Variants in SENP5 observed in about 807,000 individuals in gnomAD.
SENP5 encodes the protein sentrin-specific protease 5.
Under a neutral mutation model 74.2 loss-of-function variants are expected in SENP5, and 21 were observed. The observed-to-expected ratio is 0.28, with a 90% CI of 0.20 to 0.41. The LOEUF (loss-of-function observed/expected upper bound fraction) is 0.41, where lower values mean the gene tolerates loss of function less well. Among genes scored for constraint, SENP5 ranks in the 10% least tolerant of loss-of-function variants. SENP5 has a pLI of 1.00. For synonymous variants in SENP5, 311 were observed against 312.7 expected (o/e 0.99, Z 0.06); for missense variants, 717 against 889.1 (o/e 0.81, Z 2.46).
At chr3:196,918,860 C>A (rs898547238) in intron 6 of SENP5, among the ~76,000 whole-genome samples, 1 of 151,888 alleles carries the variant, frequency 6.6e-6, no homozygotes, top group African/African-American at 2.4e-5. Context: ...AAAAAGAGAG[C>A]AGAGTAGCTA....
At chr3:196,870,011 G>A (rs1166439796) in intron 1 of SENP5, among the ~76,000 whole-genome samples, 1 of 152,114 alleles carries the variant, frequency 6.6e-6, no homozygotes, top group African/African-American at 2.4e-5. Flanking sequence ...CATTTACTTT[G>A]TGTTATTAGC....
Position 196,934,387 on chromosome 3 carries a change from G to A in SENP5, c.*3464G>A, listed in dbSNP as rs1401811315. The A allele has an allele frequency of 2.0e-5, 3 of 152,192 alleles. No homozygotes were observed. The highest frequency in any genetic ancestry group is 1.9e-4 in the East Asian group (1 of 5,198). 9.4% of individuals were successfully genotyped at this position (152,192 alleles called of 1,614,324 possible). ...AGGTCAGACTCTTCAGCAAGACAGT[G>A]TATTAATAGTGTGAATTAGATACAC... is the stretch of plus-strand genomic sequence containing the variant. On this transcript the variant is annotated 3_prime_UTR_variant, in exon 10 of 10. Transcript: ENST00000323460.
At chr3:196,904,614 C>T (rs1290999094) in intron 6 of SENP5, among the ~76,000 whole-genome samples, 1 of 151,736 alleles carries the variant, frequency 6.6e-6, no homozygotes, top group African/African-American at 2.4e-5. Flanking sequence ...GTGGCGAAAC[C>T]CTATCTCTAC....
intron 1 of SENP5, among the ~76,000 whole-genome samples, chr3:196,868,335 G>A (rs1001797738): frequency 4.6e-5 from 7 of 152,208 alleles, no homozygotes; most frequent in Non-Finnish European, 1.0e-4. Flanking sequence ...GGAAGCTGGC[G>A]CCCCCCAGCT....
Position 196,885,240 on chromosome 3 carries a change from A to C in SENP5, c.59A>C (p.Lys20Thr). ...GGAATCCACTTAGCCTTTTCTGAGAAATGGAATACTGGGTTTGGAGGCTTT... is the reference window on the plus strand; with the variant it reads ...GGAATCCACTTAGCCTTTTCTGAGACATGGAATACTGGGTTTGGAGGCTTT... ...RKGIHLAFSE[K>T]WNTGFGGFKK... The change falls in exon 2 of 10, where the codon AAA becomes ACA. Residue 20 changes from lysine to threonine, a missense_variant. By Grantham distance (78) the Lys-to-Thr change is moderately conservative. This residue lies in a region of SENP5 where 567 missense variants were observed against 577.4 expected (regional missense o/e 0.98). Transcript: ENST00000323460. The C allele has an allele frequency of 1.2e-6, 2 of 1,614,006 alleles. No homozygotes were observed. The highest frequency in any genetic ancestry group is 1.7e-6 in the Non-Finnish European group (2 of 1,180,004).
In SENP5 at chr3:196,869,759, CAAAAAA is replaced by C. The variant is rs58745670; in HGVS notation, c.-32+1706_-32+1711del. On this transcript the variant is annotated intron_variant, in intron 1 of 9. Coordinates refer to ENST00000323460, the MANE Select transcript of SENP5 (RefSeq NM_152699.5). ...GGGCAACAAGAGCAAAACTCCGTCT[CAAAAAA>C]AAAAAAAAAAAAAAAAAAAGGTGCT... Among the ~76,000 whole-genome samples the C allele has an allele frequency of 1.8e-3, 69 of 37,984 alleles. No homozygotes were observed. The South Asian group carries it at 0.044, about 24-fold the overall frequency. The allele number at this position is 37,984 out of a possible 152,430, so 24.9% of individuals were successfully genotyped here. A position where few individuals can be genotyped will look rare whatever the true frequency, so the allele number is the denominator to read the frequency against.
intron 9 of SENP5, among the ~76,000 whole-genome samples, chr3:196,930,065 G>T (rs1000455532): frequency 6.6e-6 from 1 of 151,802 alleles, no homozygotes; most frequent in East Asian, 1.9e-4. Flanking sequence ...TAAGGTCCAC[G>T]TTGAGAAACT....
At position 196,931,882 on chromosome 3, in the gene SENP5, C is replaced by T. The variant is rs1424176995; in HGVS notation, c.*959C>T. 4 of 452,408 alleles carry T rather than the reference C, an allele frequency of 8.8e-6. No individual in the cohort carries two copies. The Admixed American group carries it at 9.6e-5, about 11-fold the overall frequency. 28.0% of individuals were successfully genotyped at this position (452,408 alleles called of 1,614,324 possible). On this transcript the variant is annotated 3_prime_UTR_variant, in exon 10 of 10. Transcript: ENST00000323460. ...GTATCTGAAACGTAAACATTCAAAA[C>T]TGAAGGCTGACTGACTTGAGATGTT...
intron 1 of SENP5, among the ~76,000 whole-genome samples, chr3:196,877,832 G>A (rs1713549217): frequency 6.6e-6 from 1 of 152,164 alleles, no homozygotes; most frequent in Non-Finnish European, 1.5e-5. Flanking sequence ...TGATAGTTTG[G>A]TGTATATGCT....
chr3:196,926,375 G>A (rs1429537858), intron 7 of SENP5, among the ~76,000 whole-genome samples: 4 of 151,576 alleles, frequency 2.6e-5, no homozygotes, highest in African/African-American at 9.7e-5. Flanking sequence ...CCAGCTACTC[G>A]GGAGGCTGAG....
chr3:196,912,421 G>T (rs1715171869), intron 6 of SENP5, among the ~76,000 whole-genome samples: 1 of 151,874 alleles, frequency 6.6e-6, no homozygotes, highest in Admixed American at 6.6e-5. Flanking sequence ...GGGCCTGTCA[G>T]GGGGTTGGGG....
chr3:196,895,092 C>T (rs1453974612), intron 2 of SENP5, among the ~76,000 whole-genome samples: 3 of 152,150 alleles, frequency 2.0e-5, no homozygotes, highest in African/African-American at 7.2e-5. Flanking sequence ...GCACGGGGAA[C>T]CTCATTCCAC....
intron 6 of SENP5, chr3:196,914,440 C>T (rs1275912995): frequency 2.7e-5 from 4 of 149,820 alleles, no homozygotes; most frequent in Admixed American, 6.7e-5. Flanking sequence ...TTGATGTCTC[C>T]CTCCAAAAAA....
chr3:196,905,819 G>A, intron 6 of SENP5, among the ~76,000 whole-genome samples: 1 of 152,094 alleles, frequency 6.6e-6, no homozygotes, highest in Non-Finnish European at 1.5e-5. Flanking sequence ...TCTCTCCCTG[G>A]TGGTTGGGGG....
At chr3:196,883,632 T>A (rs1364443877) in intron 1 of SENP5, among the ~76,000 whole-genome samples, 2 of 152,140 alleles carry the variant, frequency 1.3e-5, no homozygotes, top group Non-Finnish European at 2.9e-5. Context: ...CTCCTGACTT[T>A]CATAGGTATA....
intron 6 of SENP5, among the ~76,000 whole-genome samples, chr3:196,920,832 C>T (rs1186853081): frequency 6.6e-6 from 1 of 152,220 alleles, no homozygotes; most frequent in African/African-American, 2.4e-5. Context: ...CACATGGTAG[C>T]TCTGAAAGTT....
intron 1 of SENP5, among the ~76,000 whole-genome samples, chr3:196,878,376 T>C (rs1266725018): frequency 6.6e-6 from 1 of 152,030 alleles, no homozygotes; most frequent in Non-Finnish European, 1.5e-5. Flanking sequence ...TAGAAAACGA[T>C]TATTATCTGG....
At chr3:196,902,938 T>G (rs1359584392) in intron 5 of SENP5, among the ~76,000 whole-genome samples, 1 of 152,204 alleles carries the variant, frequency 6.6e-6, no homozygotes, top group Non-Finnish European at 1.5e-5. Context: ...ACCTCATTTT[T>G]TCATAGCCTC....
At chr3:196,869,590 A>G (rs1034759736) in intron 1 of SENP5, among the ~76,000 whole-genome samples, 4 of 151,442 alleles carry the variant, frequency 2.6e-5, no homozygotes, top group Non-Finnish European at 5.9e-5. Context: ...GTGAAACCCC[A>G]TCTCTACTAA....
Sources: gnomAD v4.1 joint callset for allele counts (sites outside exome capture counted in the v4.1 genomes callset) on GRCh38, gnomAD v4.1.1 for gene constraint, gnomAD v4.1.1 regional missense constraint, MANE v1.5 for transcripts, NCBI Gene and HGNC (gene_info 2026-07-23, HGNC 2026-07-21) for gene names.